Variants in SGCG observed in about 807,000 individuals in gnomAD.
SGCG encodes the protein sarcoglycan gamma.
SGCG carries 26 observed loss-of-function variants against 29.3 expected under a neutral mutation model. The observed-to-expected ratio is 0.89, with a 90% CI of 0.65 to 1.23. SGCG has a LOEUF of 1.23. Among genes scored for constraint, SGCG ranks in the 50% most tolerant of loss-of-function variants. The pLI, the probability that SGCG is intolerant of heterozygous loss-of-function variation, is 0.00. For missense variants in SGCG, 353 were observed against 356.0 expected (o/e 0.99, Z 0.07); for synonymous variants, 145 against 129.7 (o/e 1.12, Z -0.80).
rs77876347 is a variant in SGCG, at chr13:23,235,379, A to T, written c.297+667A>T. On this transcript the variant is annotated intron_variant, in intron 3 of 7. Coordinates refer to ENST00000218867, the MANE Select transcript of SGCG (RefSeq NM_000231.3). Reference sequence around the variant, plus strand: ...CATCTCAAAAAAAGAAGAAAAAACAAAAAAAAAAAAGAAAGAAATTTGTTT... The same window carrying T: ...CATCTCAAAAAAAGAAGAAAAAACATAAAAAAAAAAGAAAGAAATTTGTTT... 3.4e-3 allele frequency among the ~76,000 whole-genome samples: 497 copies of T among 146,458 alleles called. 3 individuals are homozygous for T. Among genetic ancestry groups the T allele is most frequent in the African/African-American group, 0.011 (467 of 40,626 alleles).
intron 4 of SGCG, among the ~76,000 whole-genome samples, chr13:23,274,235 G>A (rs1304506601): frequency 1.3e-5 from 2 of 151,888 alleles, no homozygotes; most frequent in Non-Finnish European, 2.9e-5. Flanking sequence ...TTCTCACTAA[G>A]TCTCCTCATC....
At chr13:23,264,251 A>T (rs115380558) in intron 4 of SGCG, among the ~76,000 whole-genome samples, 1 of 152,116 alleles carries the variant, frequency 6.6e-6, no homozygotes. Context: ...ACAAAAATAA[A>T]TGTACACAAA....
intron 5 of SGCG, among the ~76,000 whole-genome samples, chr13:23,294,623 ACTTT>A (rs947244799): frequency 1.3e-5 from 2 of 152,218 alleles, no homozygotes; most frequent in African/African-American, 4.8e-5. Context: ...CTGGCACATT[ACTTT>A]CTATCACATA....
intron 2 of SGCG, among the ~76,000 whole-genome samples, chr13:23,224,724 T>C (rs555974232): frequency 6.6e-6 from 1 of 151,594 alleles, no homozygotes; most frequent in Non-Finnish European, 1.5e-5. Context: ...GTACATTTTT[T>C]CCTACTAAGC....
At chr13:23,283,305 A>T (rs9578570) in intron 5 of SGCG, among the ~76,000 whole-genome samples, 51,662 of 151,966 alleles carry the variant, frequency 0.34, 9,494 homozygotes, top group Middle Eastern at 0.54. Flanking sequence ...GTGCTCCTGT[A>T]TTGGGTGCAT....
chr13:23,198,572 C>T (rs9578552), intron 1 of SGCG, among the ~76,000 whole-genome samples: 34,284 of 151,886 alleles, frequency 0.23, 4,159 homozygotes, highest in East Asian at 0.35. Flanking sequence ...CATGGCCGGG[C>T]GCGGTGGCTC....
At chr13:23,199,763 A>G (rs2137494657) in intron 1 of SGCG, among the ~76,000 whole-genome samples, 1 of 152,330 alleles carries the variant, frequency 6.6e-6, no homozygotes, top group Admixed American at 6.5e-5. Flanking sequence ...AAAGATTGGT[A>G]AATACAGCTC....
intron 5 of SGCG, among the ~76,000 whole-genome samples, chr13:23,294,878 A>G (rs990038749): frequency 6.6e-6 from 1 of 152,196 alleles, no homozygotes; most frequent in Non-Finnish European, 1.5e-5. Flanking sequence ...TCTGCACCCC[A>G]GCTGACACAG....
At chr13:23,216,579 C>T (rs61948491) in intron 2 of SGCG, among the ~76,000 whole-genome samples, 9,268 of 152,174 alleles carry the variant, frequency 0.061, 399 homozygotes, top group Middle Eastern at 0.15. Flanking sequence ...ATGATATTCC[C>T]TCACAAATTT....
At chr13:23,168,180 G>A in the SGCG span, among the ~76,000 whole-genome samples, 11 of 152,028 alleles carry the variant, frequency 7.2e-5, no homozygotes, top group African/African-American at 1.2e-4. Context: ...TTTTCACATC[G>A]TTGTTTGTTT....
intron 5 of SGCG, among the ~76,000 whole-genome samples, chr13:23,286,574 T>C (rs1443531080): frequency 6.6e-6 from 1 of 152,252 alleles, no homozygotes; most frequent in Admixed American, 6.5e-5. Context: ...AAGCTGCAGA[T>C]AGTACTAAAC....
chr13:23,272,239 G>T (rs1880900086), intron 4 of SGCG, among the ~76,000 whole-genome samples: 2 of 152,148 alleles, frequency 1.3e-5, no homozygotes, highest in African/African-American at 4.8e-5. Flanking sequence ...TCCAATCTTA[G>T]TGGAAATGCT....
the SGCG span, among the ~76,000 whole-genome samples, chr13:23,174,839 T>A: frequency 6.6e-6 from 1 of 152,150 alleles, no homozygotes; most frequent in Non-Finnish European, 1.5e-5. Flanking sequence ...TTAATCAAGC[T>A]GGTCAAATCA....
At chr13:23,224,680 A>ACACACACACACACCCC (rs1433903594) in intron 2 of SGCG, among the ~76,000 whole-genome samples, 3 of 150,666 alleles carry the variant, frequency 2.0e-5, no homozygotes, top group South Asian at 4.2e-4. Context: ...ACACACACAC[A>ACACACACACACACCCC]CCCCACACCA....
chr13:23,298,167 C>T (rs60960931), intron 6 of SGCG, among the ~76,000 whole-genome samples: 56,114 of 151,424 alleles, frequency 0.37, 10,966 homozygotes, highest in East Asian at 0.79. Flanking sequence ...ACCACCCTGG[C>T]CAATGTGATG....
chr13:23,321,669 A>G (rs1344840449), intron 7 of SGCG, among the ~76,000 whole-genome samples: 7 of 152,216 alleles, frequency 4.6e-5, no homozygotes, highest in African/African-American at 1.7e-4. Flanking sequence ...TCAAGATTCC[A>G]TCACGCTAGT....
At chr13:23,249,794 T>G (rs1244816643) in intron 3 of SGCG, among the ~76,000 whole-genome samples, 2 of 152,198 alleles carry the variant, frequency 1.3e-5, no homozygotes, top group East Asian at 1.9e-4. Context: ...CCAAATGTTT[T>G]TAGTAAATTT....
chr13:23,299,417 T>C (rs1882035851), intron 6 of SGCG, among the ~76,000 whole-genome samples: 2 of 4,640 alleles, frequency 4.3e-4, no homozygotes, highest in South Asian at 0.036. Context: ...CATATATATA[T>C]ATATATATAT....
intron 5 of SGCG, among the ~76,000 whole-genome samples, chr13:23,290,088 G>A (rs1315890360): frequency 6.6e-6 from 1 of 152,194 alleles, no homozygotes; most frequent in Non-Finnish European, 1.5e-5. Flanking sequence ...GCCAGGAGGA[G>A]ACTCAAAGAT....
Sources: gnomAD v4.1 joint callset for allele counts (sites outside exome capture counted in the v4.1 genomes callset) on GRCh38, gnomAD v4.1.1 for gene constraint, MANE v1.5 for transcripts, NCBI Gene and HGNC (gene_info 2026-07-23, HGNC 2026-07-21) for gene names.